Variants in HCN1 observed in about 807,000 individuals in gnomAD.
HCN1 encodes the protein potassium/sodium hyperpolarization-activated cyclic nucleotide-gated channel 1.
Under a neutral mutation model 78.9 loss-of-function variants are expected in HCN1, and 13 were observed. The observed-to-expected ratio is 0.16, with a 90% confidence interval of 0.11 to 0.26. HCN1 has a LOEUF of 0.26. Among genes scored for constraint, HCN1 ranks in the 10% least tolerant of loss-of-function variants. HCN1 has a pLI of 1.00. For synonymous variants in HCN1, 552 were observed against 455.5 expected (o/e 1.21, Z -2.70); for missense variants, 810 against 1,154.3 (o/e 0.70, Z 4.32).
rs1231846148 is a variant in HCN1, at chr5:45,259,379, A to G, written c.*2542T>C. 1 of 152,368 alleles carries G rather than the reference A, an allele frequency of 6.6e-6. No individual in the cohort carries two copies. Among genetic ancestry groups the G allele is most frequent in the Non-Finnish European group, 1.5e-5 (1 of 67,890 alleles). 9.4% of individuals were successfully genotyped at this position (152,368 alleles called of 1,614,324 possible). On this transcript the variant is annotated 3_prime_UTR_variant, in exon 8 of 8. Transcript: ENST00000303230. ...AGTTGTTGTAAGAATCAGCTATTCT[A>G]TTATCTTTCCAGCAGCAGAAAGACC... is the stretch of plus-strand genomic sequence containing the variant.
At chr5:45,334,202 G>T (rs1470106724) in intron 5 of HCN1, among the ~76,000 whole-genome samples, 2 of 151,788 alleles carry the variant, frequency 1.3e-5, no homozygotes, top group Non-Finnish European at 2.9e-5. Flanking sequence ...AGAAGAAAAA[G>T]TTATTTATTC....
chr5:45,288,529 C>G (rs1471294337), intron 6 of HCN1, among the ~76,000 whole-genome samples: 5 of 152,044 alleles, frequency 3.3e-5, no homozygotes, highest in Non-Finnish European at 7.4e-5. Context: ...CTGGGTGTTA[C>G]ACATGTTAGG....
At position 45,363,114 on chromosome 5, in the gene HCN1, T is replaced by G. The variant is rs895341503; in HGVS notation, c.1231-9868A>C. On this transcript the variant is annotated intron_variant, in intron 4 of 7. Transcript: ENST00000303230. ...GATCTGAATATATATAATATTTACA[T>G]ATTATATATATAACATATTATATAT... Among the ~76,000 whole-genome samples, 6 of 140,652 alleles carry G rather than the reference T, an allele frequency of 4.3e-5. No homozygotes were observed. The South Asian group carries it at 8.9e-4, about 21-fold the overall frequency. The allele number at this position is 140,652 out of a possible 152,430, so 92.3% of individuals were successfully genotyped here. A position where few individuals can be genotyped will look rare whatever the true frequency, so the allele number is the denominator to read the frequency against.
At chr5:45,326,936 C>T (rs1746246056) in intron 5 of HCN1, among the ~76,000 whole-genome samples, 1 of 151,566 alleles carries the variant, frequency 6.6e-6, no homozygotes, top group African/African-American at 2.4e-5. Flanking sequence ...GCAAAACTCT[C>T]TTAGTGTTCA....
intron 6 of HCN1, among the ~76,000 whole-genome samples, chr5:45,277,155 C>G (rs556410636): frequency 6.6e-6 from 1 of 152,136 alleles, no homozygotes; most frequent in South Asian, 2.1e-4. Flanking sequence ...AGTTCTAGCT[C>G]TCTACATATC....
At chr5:45,306,846 G>A (rs912636726) in intron 5 of HCN1, among the ~76,000 whole-genome samples, 4 of 152,026 alleles carry the variant, frequency 2.6e-5, no homozygotes, top group African/African-American at 7.2e-5. Context: ...TTAAATTGAG[G>A]AAAGGTTGCT....
rs1256449456 is a variant in HCN1, at chr5:45,561,530, TA to T, written c.849+83654del. Among the ~76,000 whole-genome samples, 3 of 151,966 alleles carry T rather than the reference TA, an allele frequency of 2.0e-5. No individual in the cohort carries two copies. The East Asian group carries it at 5.8e-4, about 29-fold the overall frequency. Reference sequence around the variant, plus strand: ...ATGTGTATTACTAAGATAAAATACCTAATTTTATATTTAACATTGCATAGAA... The same window carrying T: ...ATGTGTATTACTAAGATAAAATACCTATTTTATATTTAACATTGCATAGAA... On this transcript the variant is annotated intron_variant, in intron 2 of 7. Transcript: ENST00000303230.
At chr5:45,640,605 A>C (rs1745435369) in intron 2 of HCN1, among the ~76,000 whole-genome samples, 1 of 143,232 alleles carries the variant, frequency 7.0e-6, no homozygotes, top group African/African-American at 2.6e-5. Context: ...ACGGAGTTTC[A>C]CTCTTGTCGC....
intron 2 of HCN1, among the ~76,000 whole-genome samples, chr5:45,579,957 G>C (rs1247026981): frequency 2.0e-5 from 3 of 152,020 alleles, no homozygotes; most frequent in African/African-American, 7.2e-5. Flanking sequence ...GTCAAAATAT[G>C]CCTGCCATTT....
chr5:45,331,431 G>A (rs894987439), intron 5 of HCN1, among the ~76,000 whole-genome samples: 11 of 151,180 alleles, frequency 7.3e-5, no homozygotes, highest in African/African-American at 2.7e-4. Flanking sequence ...TAAATCCTGT[G>A]TATAACCGTA....
intron 2 of HCN1, among the ~76,000 whole-genome samples, chr5:45,467,195 C>G (rs1741291468): frequency 6.6e-6 from 1 of 151,972 alleles, no homozygotes; most frequent in Non-Finnish European, 1.5e-5. Flanking sequence ...AAGACTCTCC[C>G]CACCACCTTC....
In HCN1 at chr5:45,696,133, T is replaced by G; in HGVS notation, c.-40A>C. ...GCCGGCGACGGCGCGGGCTCCAGAC[T>G]CGCCGGCCGCCCGGCGCCGGAGACA... On this transcript the variant is annotated 5_prime_UTR_variant, in exon 1 of 8. Coordinates refer to ENST00000303230, the MANE Select transcript of HCN1 (RefSeq NM_021072.4). 4.8e-6 allele frequency: 6 copies of G among 1,251,508 alleles called. No homozygotes were observed. The highest frequency in any genetic ancestry group is 1.6e-5 in the African/African-American group (1 of 62,446). 77.5% of individuals were successfully genotyped at this position (1,251,508 alleles called of 1,614,324 possible). A position where few individuals can be genotyped will look rare whatever the true frequency, so the allele number is the denominator to read the frequency against.
At chr5:45,383,975 C>T (rs541343683) in intron 4 of HCN1, among the ~76,000 whole-genome samples, 2 of 152,142 alleles carry the variant, frequency 1.3e-5, no homozygotes, top group South Asian at 4.1e-4. Flanking sequence ...GAAGTTGCTA[C>T]CAAAACTCCT....
chr5:45,616,244 T>C (rs1744947708), intron 2 of HCN1, among the ~76,000 whole-genome samples: 1 of 151,900 alleles, frequency 6.6e-6, no homozygotes, highest in African/African-American at 2.4e-5. Flanking sequence ...AACGTGATAA[T>C]ACATGGAGCA....
intron 5 of HCN1, among the ~76,000 whole-genome samples, chr5:45,326,167 G>C (rs1318086738): frequency 6.6e-6 from 1 of 151,470 alleles, no homozygotes; most frequent in African/African-American, 2.4e-5. Context: ...ATATCACATT[G>C]CATGCCTGTA....
chr5:45,331,986 C>G (rs1746353908), intron 5 of HCN1, among the ~76,000 whole-genome samples: 1 of 151,446 alleles, frequency 6.6e-6, no homozygotes, highest in Non-Finnish European at 1.5e-5. Context: ...TATAAGTCAA[C>G]TGGGGGGATA....
At chr5:45,533,544 T>C (rs1230977665) in intron 2 of HCN1, among the ~76,000 whole-genome samples, 2 of 152,210 alleles carry the variant, frequency 1.3e-5, no homozygotes, top group Admixed American at 6.5e-5. Flanking sequence ...GACTAGCCTT[T>C]CCAAGGTAGG....
intron 2 of HCN1, among the ~76,000 whole-genome samples, chr5:45,543,476 T>A (rs1216885576): frequency 3.3e-5 from 5 of 152,026 alleles, no homozygotes; most frequent in Non-Finnish European, 5.9e-5. Flanking sequence ...ATATACACCA[T>A]TGAAAATATA....
rs148216788 is a variant in HCN1, at chr5:45,672,972, CT to C, written c.425+22696del. Among the ~76,000 whole-genome samples the C allele has an allele frequency of 8.6e-3, 1,302 of 151,510 alleles. 26 individuals carry two copies. Among genetic ancestry groups the C allele is most frequent in the African/African-American group, 0.031 (1,275 of 41,412 alleles). On this transcript the variant is annotated intron_variant, in intron 1 of 7. Coordinates refer to ENST00000303230, the MANE Select transcript of HCN1 (RefSeq NM_021072.4). Reference sequence around the variant, plus strand: ...ACATTATTATTAACTGAAGTCCATACTTTATTCACATGTTTGTACTTTTGAT... The same window carrying C: ...ACATTATTATTAACTGAAGTCCATACTTATTCACATGTTTGTACTTTTGAT...
Sources: allele counts gnomAD v4.1 joint callset (sites outside exome capture counted in the v4.1 genomes callset), GRCh38; gene constraint gnomAD v4.1.1; transcripts MANE v1.5; gene names NCBI Gene and HGNC (gene_info 2026-07-23, HGNC 2026-07-21).